The following LAMA2 variants were observed in gnomAD, a reference collection of about 807,000 sequenced individuals.
LAMA2 encodes laminin subunit alpha-2.
Under a neutral mutation model 364.8 loss-of-function variants are expected in LAMA2, and 269 were observed. The ratio of observed to expected loss-of-function variants is 0.74; its 90% CI spans 0.67 to 0.82. The LOEUF (loss-of-function observed/expected upper bound fraction) is 0.82, where lower values mean the gene tolerates loss of function less well. LAMA2 is among the 40% of genes least tolerant of loss of function. The probability of loss-of-function intolerance (pLI) is 0.00; values close to 1 mark genes in which losing one functional copy is unlikely to be tolerated. For synonymous variants in LAMA2, 1,379 were observed against 1,370.6 expected (o/e 1.01, Z -0.14); for missense variants, 3,807 against 3,873.2 (o/e 0.98, Z 0.45).
chr6:129,140,786 C>T (rs1778079483), intron 4 of LAMA2, among the ~76,000 whole-genome samples: 1 of 152,034 alleles, frequency 6.6e-6, no homozygotes, highest in Admixed American at 6.6e-5. Context: ...CACACAACAT[C>T]GCCAAACAGC....
chr6:129,056,218 C>T (rs9492215), intron 2 of LAMA2, among the ~76,000 whole-genome samples: 4,308 of 152,208 alleles, frequency 0.028, 195 homozygotes, highest in African/African-American at 0.099. Context: ...AGAAGAAGTG[C>T]CAACAATATT....
intron 27 of LAMA2, among the ~76,000 whole-genome samples, chr6:129,319,228 G>A (rs1395720030): frequency 6.6e-6 from 1 of 152,114 alleles, no homozygotes; most frequent in Non-Finnish European, 1.5e-5. Context: ...GAAGAAATTT[G>A]GGATAGTAGT....
chr6:129,515,277 G>T (rs1330614670), intron 64 of LAMA2, among the ~76,000 whole-genome samples: 2 of 152,284 alleles, frequency 1.3e-5, no homozygotes, highest in Admixed American at 1.3e-4. Context: ...TTTATATAAA[G>T]CTCCTTTGCT....
chr6:129,248,259 C>T (rs556048174), intron 12 of LAMA2, among the ~76,000 whole-genome samples: 5 of 152,256 alleles, frequency 3.3e-5, no homozygotes, highest in African/African-American at 1.2e-4. Context: ...AATTGTCTTC[C>T]ACGAAACCCA....
At chr6:129,159,961 T>C (rs145529219) in intron 8 of LAMA2, among the ~76,000 whole-genome samples, 1 of 152,328 alleles carries the variant, frequency 6.6e-6, no homozygotes, top group East Asian at 1.9e-4. Context: ...CTCCATTTGG[T>C]TATGATATAT....
intron 12 of LAMA2, among the ~76,000 whole-genome samples, chr6:129,200,168 G>T (rs532018221): frequency 1.5e-5 from 2 of 134,032 alleles, no homozygotes; most frequent in African/African-American, 5.4e-5. Context: ...ATATATATAC[G>T]TGTACACATA....
intron 3 of LAMA2, among the ~76,000 whole-genome samples, chr6:129,094,589 A>G (rs887964939): frequency 1.3e-5 from 2 of 152,232 alleles, no homozygotes; most frequent in Admixed American, 1.3e-4. Flanking sequence ...CTTTCTAAGC[A>G]AAGTTCTTTA....
intron 3 of LAMA2, among the ~76,000 whole-genome samples, chr6:129,066,073 T>C (rs925349866): frequency 4.1e-5 from 5 of 122,484 alleles, no homozygotes; most frequent in African/African-American, 1.6e-4. Context: ...TGAGACGCAG[T>C]CTCGCTCTGT....
chr6:129,226,316 A>C (rs1176209345), intron 12 of LAMA2, among the ~76,000 whole-genome samples: 1 of 152,004 alleles, frequency 6.6e-6, no homozygotes, highest in Non-Finnish European at 1.5e-5. Context: ...TTTTAATTAG[A>C]GCATTTAGCC....
rs1787085860 is a variant in LAMA2, at chr6:129,516,409, AATATATTTTACCTAT to A, written c.*67_*81del. 27 of 1,485,644 alleles carry A rather than the reference AATATATTTTACCTAT, an allele frequency of 1.8e-5. No individual in the cohort carries two copies. The South Asian group carries it at 3.2e-4, about 17-fold the overall frequency. The allele number at this position is 1,485,644 out of a possible 1,614,324, so 92.0% of individuals were successfully genotyped here. A position where few individuals can be genotyped will look rare whatever the true frequency, so the allele number is the denominator to read the frequency against. ...ACAAGTATATCAAGTAAAACAAACA[AATATATTTTACCTAT>A]ATATGTTAATTAAACTAATTTGTGC... On this transcript the variant is annotated 3_prime_UTR_variant, in exon 65 of 65. Coordinates refer to ENST00000421865, the MANE Select transcript of LAMA2 (RefSeq NM_000426.4).
chr6:129,460,403 A>G (rs1783190743), intron 49 of LAMA2, 79 bp downstream of exon 49: 3 of 1,381,502 alleles, frequency 2.2e-6, no homozygotes, highest in Admixed American at 3.4e-5. Context: ...ATATTCTATT[A>G]TCATGTGGAT....
At chr6:129,079,295 AC>A (rs1773876547) in intron 3 of LAMA2, among the ~76,000 whole-genome samples, 1 of 152,158 alleles carries the variant, frequency 6.6e-6, no homozygotes, top group East Asian at 1.9e-4. Context: ...TAAATCTCTT[AC>A]TGTGCCTATT....
chr6:129,439,099 C>T (rs1039542048), intron 42 of LAMA2, among the ~76,000 whole-genome samples: 4 of 151,574 alleles, frequency 2.6e-5, no homozygotes, highest in African/African-American at 9.7e-5. Flanking sequence ...TTCTTGAATA[C>T]TCAAGTCCCT....
intron 17 of LAMA2, among the ~76,000 whole-genome samples, chr6:129,273,537 A>C (rs772930587): frequency 6.6e-5 from 10 of 152,182 alleles, no homozygotes; most frequent in Non-Finnish European, 1.0e-4. Flanking sequence ...ATTACTATAA[A>C]TGCAGAGGAA....
intron 41 of LAMA2, among the ~76,000 whole-genome samples, chr6:129,437,976 A>G (rs1457917987): frequency 1.3e-5 from 2 of 151,802 alleles, no homozygotes; most frequent in Non-Finnish European, 2.9e-5. Context: ...AAACTTATAT[A>G]TGTAATATTA....
chr6:129,028,776 A>G (rs763591254), intron 1 of LAMA2, among the ~76,000 whole-genome samples: 1 of 151,840 alleles, frequency 6.6e-6, no homozygotes, highest in South Asian at 2.1e-4. Context: ...TCTCCTAGGT[A>G]TGTCTAAGTT....
chr6:128,937,558 C>A (rs1779902209), intron 1 of LAMA2, among the ~76,000 whole-genome samples: 1 of 152,008 alleles, frequency 6.6e-6, no homozygotes, highest in Admixed American at 6.6e-5. Context: ...CCTTTATCAA[C>A]TTCTTGTAGG....
At chr6:129,042,768 C>A (rs1345466277) in intron 1 of LAMA2, among the ~76,000 whole-genome samples, 2 of 152,090 alleles carry the variant, frequency 1.3e-5, no homozygotes, top group East Asian at 3.9e-4. Flanking sequence ...AATAGAGTAT[C>A]CACTCTTTGG....
chr6:129,127,643 G>A (rs1777192618), intron 4 of LAMA2, among the ~76,000 whole-genome samples: 1 of 152,170 alleles, frequency 6.6e-6, no homozygotes, highest in African/African-American at 2.4e-5. Context: ...CACCAACAGT[G>A]TACAAGGATT....
Sources: allele counts gnomAD v4.1 joint callset (sites outside exome capture counted in the v4.1 genomes callset), GRCh38; gene constraint gnomAD v4.1.1; transcripts MANE v1.5; gene names NCBI Gene and HGNC (gene_info 2026-07-23, HGNC 2026-07-21).